The following GSG1L variants were observed in gnomAD, a reference collection of about 807,000 sequenced individuals.
The protein encoded by GSG1L is GSG1 like, also known as germ cell-specific gene 1-like protein.
Under a neutral mutation model 42.1 loss-of-function variants are expected in GSG1L, and 24 were observed. That is an observed-to-expected ratio of 0.57 (90% CI 0.41 to 0.80). GSG1L has a LOEUF of 0.80. GSG1L is among the 30% of genes least tolerant of loss of function. The pLI, the probability that GSG1L is intolerant of heterozygous loss-of-function variation, is 0.00. For synonymous variants in GSG1L, 215 were observed against 203.5 expected (o/e 1.06, Z -0.48); for missense variants, 445 against 472.2 (o/e 0.94, Z 0.53).
chr16:27,888,026 C>CA (rs1436217081), intron 2 of GSG1L: 152 of 877,674 alleles, frequency 1.7e-4, no homozygotes, highest in Non-Finnish European at 2.0e-4. Context: ...TGGCCGCCCC[C>CA]AGGAGGTTTC....
chr16:27,924,038 G>A (rs11646047), intron 2 of GSG1L, among the ~76,000 whole-genome samples: 48,085 of 151,724 alleles, frequency 0.32, 7,908 homozygotes, highest in East Asian at 0.43. Context: ...GATTTGTGAG[G>A]ATTACTTCAG....
intron 6 of GSG1L, among the ~76,000 whole-genome samples, chr16:27,798,008 C>A (rs915152322): frequency 6.6e-6 from 1 of 151,960 alleles, no homozygotes; most frequent in African/African-American, 2.4e-5. Flanking sequence ...AGGGAAATAC[C>A]AGAAACTGGG....
At chr16:27,938,745 G>T (rs1281153000) in intron 2 of GSG1L, among the ~76,000 whole-genome samples, 1 of 152,142 alleles carries the variant, frequency 6.6e-6, no homozygotes, top group African/African-American at 2.4e-5. Context: ...TGGAGCCAAA[G>T]GTAAGATTCT....
intron 4 of GSG1L, among the ~76,000 whole-genome samples, chr16:27,834,475 T>C (rs1426051986): frequency 1.4e-5 from 2 of 140,970 alleles, no homozygotes; most frequent in Non-Finnish European, 3.1e-5. Flanking sequence ...TCTCCTCTTC[T>C]ATTTTCTGAA....
chr16:27,904,402 G>T (rs1268363347), intron 2 of GSG1L, among the ~76,000 whole-genome samples: 2 of 152,088 alleles, frequency 1.3e-5, no homozygotes. Flanking sequence ...ACTTCTCAGT[G>T]ATGTCTTCCC....
intron 4 of GSG1L, among the ~76,000 whole-genome samples, chr16:27,829,236 A>T (rs2083249687): frequency 6.6e-6 from 1 of 152,194 alleles, no homozygotes; most frequent in Admixed American, 6.5e-5. Context: ...CATCAAGGAA[A>T]GTTACCCAAA....
chr16:28,054,788 G>A (rs921169233), intron 1 of GSG1L, among the ~76,000 whole-genome samples: 23 of 152,086 alleles, frequency 1.5e-4, no homozygotes, highest in African/African-American at 5.1e-4. Context: ...CCCACCCCTC[G>A]AAAGTGTTTT....
intron 1 of GSG1L, among the ~76,000 whole-genome samples, chr16:27,985,317 A>T (rs2085369081): frequency 6.6e-6 from 1 of 152,004 alleles, no homozygotes; most frequent in Non-Finnish European, 1.5e-5. Flanking sequence ...CCTCATGGTA[A>T]TGAGGGAGTT....
intron 2 of GSG1L, among the ~76,000 whole-genome samples, chr16:27,927,175 G>A (rs774898565): frequency 2.6e-5 from 4 of 151,886 alleles, no homozygotes; most frequent in Non-Finnish European, 4.4e-5. Context: ...TTTGAGGCAA[G>A]GTCTCACTTT....
chr16:27,908,770 G>T (rs986004327), intron 2 of GSG1L, among the ~76,000 whole-genome samples: 3 of 152,146 alleles, frequency 2.0e-5, no homozygotes, highest in African/African-American at 4.8e-5. Flanking sequence ...GTTGCATTGG[G>T]ATTAAGTTTC....
intron 2 of GSG1L, among the ~76,000 whole-genome samples, chr16:27,911,662 C>A (rs2084392633): frequency 6.6e-6 from 1 of 152,086 alleles, no homozygotes; most frequent in Admixed American, 6.6e-5. Context: ...CTGTTTGGAA[C>A]CTCCCCACTC....
chr16:28,053,530 C>A (rs2086242488), intron 1 of GSG1L, among the ~76,000 whole-genome samples: 1 of 152,246 alleles, frequency 6.6e-6, no homozygotes, highest in South Asian at 2.1e-4. Context: ...CTGGATGGGG[C>A]GCAGCCACTC....
chr16:27,815,694 T>C (rs1038704449), intron 5 of GSG1L, among the ~76,000 whole-genome samples: 1 of 152,188 alleles, frequency 6.6e-6, no homozygotes, highest in Non-Finnish European at 1.5e-5. Context: ...AGTCTTGATT[T>C]TCTCATCTGA....
In GSG1L at chr16:27,788,986, C is replaced by G. The variant is rs1043713658; in HGVS notation, c.*2384G>C. 6.6e-6 allele frequency: 1 copy of G among 152,224 alleles called. No homozygotes were observed. Among genetic ancestry groups the G allele is most frequent in the Non-Finnish European group, 1.5e-5 (1 of 68,058 alleles). 9.4% of individuals were successfully genotyped at this position (152,224 alleles called of 1,614,324 possible). On this transcript the variant is annotated 3_prime_UTR_variant, in exon 7 of 7. Coordinates refer to ENST00000447459, the MANE Select transcript of GSG1L (RefSeq NM_001109763.2). ...CAAGTGCCTACCACAGTGCTTGGCA[C>G]ATAGTAGGGGCACAGTGAACTATAT... is the stretch of plus-strand genomic sequence containing the variant.
chr16:27,826,449 G>C (rs2083210170), intron 5 of GSG1L, among the ~76,000 whole-genome samples: 1 of 152,182 alleles, frequency 6.6e-6, no homozygotes, highest in East Asian at 1.9e-4. Flanking sequence ...GCCACTGAAA[G>C]GTGTTAATGC....
At chr16:27,798,270 C>T (rs926962236) in intron 6 of GSG1L, among the ~76,000 whole-genome samples, 6 of 152,234 alleles carry the variant, frequency 3.9e-5, no homozygotes, top group Admixed American at 2.6e-4. Context: ...AAGGCAGAGA[C>T]GAACGTGTTC....
chr16:27,818,454 A>T (rs755250446), intron 5 of GSG1L, among the ~76,000 whole-genome samples: 17 of 152,164 alleles, frequency 1.1e-4, no homozygotes, highest in Non-Finnish European at 2.4e-4. Flanking sequence ...GTTTCTGGGC[A>T]TCGCGTTCCT....
chr16:28,003,998 A>G (rs779553615), intron 1 of GSG1L, among the ~76,000 whole-genome samples: 1 of 152,256 alleles, frequency 6.6e-6, no homozygotes, highest in Non-Finnish European at 1.5e-5. Flanking sequence ...CGGGCGGCAC[A>G]GCTGCTGGTG....
intron 1 of GSG1L, among the ~76,000 whole-genome samples, chr16:28,051,054 C>G (rs1221570864): frequency 6.6e-6 from 1 of 152,144 alleles, no homozygotes; most frequent in Non-Finnish European, 1.5e-5. Context: ...GTCCCCTGCA[C>G]CTAGACAAAG....
Sources: allele counts gnomAD v4.1 joint callset (sites outside exome capture counted in the v4.1 genomes callset), GRCh38; gene constraint gnomAD v4.1.1; transcripts MANE v1.5; gene names NCBI Gene and HGNC (gene_info 2026-07-23, HGNC 2026-07-21).